The following HUNK variants were observed in gnomAD, a reference collection of about 807,000 sequenced individuals.
The protein encoded by HUNK is hormonally up-regulated Neu-associated kinase.
In HUNK, 21 loss-of-function variants were observed where a neutral mutation model predicts 61.0. The ratio of observed to expected loss-of-function variants is 0.34; its 90% confidence interval spans 0.24 to 0.50. The LOEUF (loss-of-function observed/expected upper bound fraction) is 0.50, where lower values mean the gene tolerates loss of function less well. Among genes scored for constraint, HUNK ranks in the 20% least tolerant of loss-of-function variants. HUNK has a pLI of 0.98. For synonymous variants in HUNK, 371 were observed against 386.1 expected (o/e 0.96, Z 0.46); for missense variants, 772 against 945.7 (o/e 0.82, Z 2.41).
chr21:31,935,247 C>T (rs2833563), intron 2 of HUNK, among the ~76,000 whole-genome samples: 35,308 of 152,078 alleles, frequency 0.23, 7,444 homozygotes, highest in African/African-American at 0.57. Flanking sequence ...TTACAAAAAT[C>T]TATAGACAAT....
At chr21:31,887,557 C>T (rs2052355388) in intron 1 of HUNK, among the ~76,000 whole-genome samples, 1 of 150,114 alleles carries the variant, frequency 6.7e-6, no homozygotes, top group African/African-American at 2.5e-5. Context: ...TGTCTTATGT[C>T]CAACCCCAAG....
intron 6 of HUNK, among the ~76,000 whole-genome samples, chr21:31,969,289 C>A (rs1048309141): frequency 6.6e-6 from 1 of 152,158 alleles, no homozygotes; most frequent in Non-Finnish European, 1.5e-5. Flanking sequence ...CCCTTAGATG[C>A]CTTCTTCTGC....
At chr21:31,994,670 T>C (rs2053191397) in intron 9 of HUNK, among the ~76,000 whole-genome samples, 1 of 152,216 alleles carries the variant, frequency 6.6e-6, no homozygotes, top group South Asian at 2.1e-4. Flanking sequence ...AAGCTTGAAC[T>C]GAGTTAATTT....
intron 5 of HUNK, among the ~76,000 whole-genome samples, chr21:31,960,170 G>A (rs9636603): frequency 0.68 from 103,368 of 152,160 alleles, 37,292 homozygotes; most frequent in East Asian, 0.84. Context: ...AGCTTATTCC[G>A]TGAATATGTG....
chr21:31,943,994 T>C (rs574672930), intron 3 of HUNK, among the ~76,000 whole-genome samples: 5 of 152,392 alleles, frequency 3.3e-5, no homozygotes, highest in Admixed American at 2.6e-4. Flanking sequence ...CATTTGTTTG[T>C]TCATTAACAT....
chr21:31,974,539 T>G lies in HUNK; in HGVS notation c.1011-16T>G, dbSNP rs767833801. On this transcript the variant is annotated splice_polypyrimidine_tract_variant and intron_variant, in intron 6 of 10. Transcript: ENST00000270112. ...AAGTGCAGGGGTGACTGGTCCTCTC[T>G]CTCTGCACCTCGCAGGATTTCTCTG... The G allele has an allele frequency of 1.2e-6, 2 of 1,609,170 alleles. No homozygotes were observed. Among genetic ancestry groups the G allele is most frequent in the Non-Finnish European group, 1.7e-6 (2 of 1,177,660 alleles).
At chr21:31,953,966 T>C (rs1601396042) in intron 4 of HUNK, among the ~76,000 whole-genome samples, 1 of 152,218 alleles carries the variant, frequency 6.6e-6, no homozygotes, top group East Asian at 1.9e-4. Context: ...ATCTTATCTG[T>C]GGTCCCAGCC....
At chr21:31,964,572 C>T (rs752612590) in intron 5 of HUNK, among the ~76,000 whole-genome samples, 4 of 151,986 alleles carry the variant, frequency 2.6e-5, no homozygotes, top group Non-Finnish European at 4.4e-5. Context: ...TGGAGGGTGG[C>T]GTGTGGCCTG....
At chr21:31,957,805 C>T (rs2052899780) in intron 4 of HUNK, among the ~76,000 whole-genome samples, 1 of 152,108 alleles carries the variant, frequency 6.6e-6, no homozygotes, top group South Asian at 2.1e-4. Flanking sequence ...GGCAGAATCT[C>T]ACAATAAACA....
chr21:31,934,793 G>A (rs1434068990), intron 2 of HUNK, among the ~76,000 whole-genome samples: 2 of 152,050 alleles, frequency 1.3e-5, no homozygotes, highest in Admixed American at 1.3e-4. Flanking sequence ...ATTTGCTCAG[G>A]ATAATGACTT....
intron 8 of HUNK, 95 bp from the exon 9 acceptor site, chr21:31,990,034 T>C: frequency 8.7e-7 from 1 of 1,147,274 alleles, no homozygotes; most frequent in Non-Finnish European, 1.3e-6. Context: ...AAACGAATAA[T>C]TCTCAACCAG....
Position 31,924,448 on chromosome 21 carries a change from T to A in HUNK, c.262-20T>A. 2 of 1,605,814 alleles carry A rather than the reference T, an allele frequency of 1.2e-6. No homozygotes were observed. The highest frequency in any genetic ancestry group is 1.7e-6 in the Non-Finnish European group (2 of 1,176,334). ...TGTCTGTAATGTCTGATAACAGGCA[T>A]GTTCTTGTTTTCTCCTTAGGTGGCC... On this transcript the variant is annotated intron_variant, in intron 1 of 10. Coordinates refer to ENST00000270112, the MANE Select transcript of HUNK (RefSeq NM_014586.2). The surrounding 1 kb of genome is among the most constrained non-coding windows in gnomAD (Gnocchi z 5.1).
At chr21:31,976,348 C>A (rs1351911230) in intron 7 of HUNK, among the ~76,000 whole-genome samples, 1 of 151,600 alleles carries the variant, frequency 6.6e-6, no homozygotes, top group African/African-American at 2.4e-5. Flanking sequence ...TTCAGAAAAT[C>A]TCTTGTATCA....
At chr21:31,957,010 C>T (rs7276298) in intron 4 of HUNK, among the ~76,000 whole-genome samples, 62,759 of 151,964 alleles carry the variant, frequency 0.41, 13,271 homozygotes, top group Non-Finnish European at 0.45. Flanking sequence ...CAGCCAAAGA[C>T]ACATGAGCTC....
rs148355110 is a variant in HUNK, at chr21:31,896,503, A to G, written c.261+22568A>G. On this transcript the variant is annotated intron_variant, in intron 1 of 10. Transcript: ENST00000270112. ...ATCTCCTCCTTGAGTAAGGAAATCA[A>G]TAATATTCACTGGATTCCTGACTTG... 7.3e-4 allele frequency among the ~76,000 whole-genome samples: 111 copies of G among 152,346 alleles called. 1 individual carries two copies. The highest frequency in any genetic ancestry group is 2.3e-3 in the African/African-American group (97 of 41,576).
chr21:31,942,125 G>C (rs535021935), intron 3 of HUNK, among the ~76,000 whole-genome samples: 1 of 152,224 alleles, frequency 6.6e-6, no homozygotes, highest in Non-Finnish European at 1.5e-5. Flanking sequence ...CAGGAGAATC[G>C]CTTGAACCTG....
chr21:31,881,536 T>TCGCTTGAA (rs1424642642), intron 1 of HUNK, among the ~76,000 whole-genome samples: 1 of 151,854 alleles, frequency 6.6e-6, no homozygotes. Context: ...GGCAGGAGAG[T>TCGCTTGAA]CGCTTGAACC....
At chr21:31,898,287 C>T (rs576711819) in intron 1 of HUNK, among the ~76,000 whole-genome samples, 21 of 152,212 alleles carry the variant, frequency 1.4e-4, no homozygotes, top group African/African-American at 5.1e-4. Context: ...ATTTTTGAGA[C>T]GTAGTTTCGC....
At chr21:31,893,659 G>A (rs1420626782) in intron 1 of HUNK, among the ~76,000 whole-genome samples, 1 of 152,150 alleles carries the variant, frequency 6.6e-6, no homozygotes, top group Non-Finnish European at 1.5e-5. Context: ...TAACAGCAGA[G>A]AATCCTTTTC....
Sources: allele counts gnomAD v4.1 joint callset (sites outside exome capture counted in the v4.1 genomes callset), GRCh38; gene constraint gnomAD v4.1.1; non-coding constraint Gnocchi (gnomAD v3.1); transcripts MANE v1.5; gene names NCBI Gene and HGNC (gene_info 2026-07-23, HGNC 2026-07-21).